The following AP2A2 variants were observed in gnomAD, a reference collection of about 807,000 sequenced individuals.
AP2A2 encodes AP-2 complex subunit alpha-2.
A neutral mutation model predicts 104.2 loss-of-function variants in AP2A2; 32 were observed. The ratio of observed to expected loss-of-function variants is 0.31; its 90% CI spans 0.23 to 0.41. The LOEUF (loss-of-function observed/expected upper bound fraction) is 0.41, where lower values mean the gene tolerates loss of function less well. Ranked by LOEUF, AP2A2 falls within the 10% of genes least tolerant of loss-of-function variation. AP2A2 has a pLI of 1.00. For missense variants in AP2A2, 912 were observed against 1,261.0 expected (o/e 0.72, Z 4.19); for synonymous variants, 539 against 533.3 (o/e 1.01, Z -0.15).
At chr11:964,533 G>A (rs1693397329) in intron 2 of AP2A2, among the ~76,000 whole-genome samples, 1 of 152,166 alleles carries the variant, frequency 6.6e-6, no homozygotes, top group African/African-American at 2.4e-5. Flanking sequence ...ATTAATTTGG[G>A]GCCCTGTTCC....
In AP2A2 at chr11:1,011,076, G is replaced by A. The variant is rs750805951; in HGVS notation, c.*451G>A. On this transcript the variant is annotated 3_prime_UTR_variant, in exon 22 of 22. Coordinates refer to ENST00000448903, the MANE Select transcript of AP2A2 (RefSeq NM_012305.4). ...TCCTGGTGGCTGCACACCTGGCGTC[G>A]TCCTGGGCCCTTGGGAGGAGCACAG... The A allele has an allele frequency of 2.9e-5, 18 of 613,274 alleles. No homozygotes were observed. Among genetic ancestry groups the A allele is most frequent in the African/African-American group, 7.2e-5 (4 of 55,822 alleles). The allele number at this position is 613,274 out of a possible 1,614,324, so 38.0% of individuals were successfully genotyped here.
intron 14 of AP2A2, among the ~76,000 whole-genome samples, chr11:994,870 TG>T (rs960793642): frequency 3.6e-5 from 1 of 27,726 alleles, no homozygotes; most frequent in African/African-American, 1.5e-4. Context: ...CTGCACACCC[TG>T]CTGGCCTGTC....
At chr11:938,553 C>T (rs1853541426) in intron 1 of AP2A2, among the ~76,000 whole-genome samples, 1 of 151,410 alleles carries the variant, frequency 6.6e-6, no homozygotes, top group East Asian at 1.9e-4. Context: ...TGGCTCACTG[C>T]AAGCTCTGCC....
Position 961,915 on chromosome 11 carries a change from CAG to C in AP2A2, c.136+2413_136+2414del, listed in dbSNP as rs1211166355. On this transcript the variant is annotated intron_variant, in intron 2 of 21. Coordinates refer to ENST00000448903, the MANE Select transcript of AP2A2 (RefSeq NM_012305.4). ...GAAGCAGATGGAGATGTGGGTCTGACAGAGTCGCCGCCACCAGTGAAAAGTAA... is the reference window on the plus strand; with the variant it reads ...GAAGCAGATGGAGATGTGGGTCTGACAGTCGCCGCCACCAGTGAAAAGTAA... Among the ~76,000 whole-genome samples the C allele has an allele frequency of 4.9e-5, 6 of 123,642 alleles. No individual in the cohort carries two copies. In the South Asian group the frequency reaches 1.3e-3, roughly 27 times the overall value. 81.1% of individuals were successfully genotyped at this position (123,642 alleles called of 152,430 possible).
chr11:987,416 G>T (rs1257429893), intron 9 of AP2A2, among the ~76,000 whole-genome samples: 1 of 152,134 alleles, frequency 6.6e-6, no homozygotes, highest in Non-Finnish European at 1.5e-5. Flanking sequence ...TTGGGAGGCC[G>T]AGGCGGGTGG....
At chr11:950,933 A>C (rs888486842) in intron 1 of AP2A2, among the ~76,000 whole-genome samples, 1 of 151,820 alleles carries the variant, frequency 6.6e-6, no homozygotes, top group Non-Finnish European at 1.5e-5. Flanking sequence ...TCTGTACTAA[A>C]ATACAAAAAT....
At position 1,009,378 on chromosome 11, in the gene AP2A2, C is replaced by T; in HGVS notation, c.2588C>T (p.Thr863Ile). ...TTCAAAGCAAAGCACCCAATGGACACAGAAGTCACCAAAGCCAAGGTAACA... is the reference window on the plus strand; with the variant it reads ...TTCAAAGCAAAGCACCCAATGGACATAGAAGTCACCAAAGCCAAGGTAACA... ...NIFKAKHPMD[T>I]EVTKAKIIGF... Residue 863 changes from threonine to isoleucine, a missense_variant, in exon 20 of 22, where the codon ACA becomes ATA. Thr to Ile is a moderately conservative substitution (Grantham distance 89). Around this residue, in one of 7 missense-constraint regions of AP2A2, gnomAD observed 239 missense variants for 329.8 expected, o/e 0.72. Transcript: ENST00000448903. The T allele has an allele frequency of 6.2e-7, 1 of 1,613,508 alleles. No homozygotes were observed.
intron 1 of AP2A2, among the ~76,000 whole-genome samples, chr11:958,853 G>A (rs906363750): frequency 6.6e-6 from 1 of 152,156 alleles, no homozygotes; most frequent in Admixed American, 6.6e-5. Flanking sequence ...CAGTCCATAC[G>A]GCAGGGGAGG....
At chr11:984,888 G>A in intron 7 of AP2A2, 135 bp downstream of exon 7, 1 of 782,022 alleles carries the variant, frequency 1.3e-6, no homozygotes, top group South Asian at 1.6e-5. Context: ...CTTTCTGCCA[G>A]TGCTGCTGTA....
Position 1,009,127 on chromosome 11 carries a change from T to C in AP2A2, c.2448T>C (p.Ser816=), listed in dbSNP as rs1856311532. 1 of 1,613,310 alleles carries C rather than the reference T, an allele frequency of 6.2e-7. No individual in the cohort carries two copies. The highest frequency in any genetic ancestry group is 8.5e-7 in the Non-Finnish European group (1 of 1,179,854). The change falls in exon 19 of 22, where the codon TCT becomes TCC. Residue 816 remains serine (S), a synonymous_variant. Transcript: ENST00000448903. ...FRYGGTFQNV[S]VQLPITLNKF... ...ATGGGGGCACCTTCCAGAACGTGTC[T>C]GTGCAGCTGCCCATCACTCTCAACA...
intron 1 of AP2A2, among the ~76,000 whole-genome samples, chr11:958,913 T>G (rs1589966368): frequency 6.6e-6 from 1 of 152,300 alleles, no homozygotes; most frequent in South Asian, 2.1e-4. Flanking sequence ...AGGATGCGTG[T>G]TGCAGAGGCT....
rs758318533 is a variant in AP2A2, at chr11:1,011,198, C to T, written c.*573C>T. 1 of 521,818 alleles carries T rather than the reference C, an allele frequency of 1.9e-6. No individual in the cohort carries two copies. The highest frequency in any genetic ancestry group is 3.8e-6 in the Non-Finnish European group (1 of 261,902). 32.3% of individuals were successfully genotyped at this position (521,818 alleles called of 1,614,324 possible). A position where few individuals can be genotyped will look rare whatever the true frequency, so the allele number is the denominator to read the frequency against. The stretch of plus-strand genomic sequence containing the variant: ...CATTTGTATTTGTAATGACTTCTGG[C>T]AAAAGCACGTGTCCTGGCCGGATGT... On this transcript the variant is annotated 3_prime_UTR_variant, in exon 22 of 22. Coordinates refer to ENST00000448903, the MANE Select transcript of AP2A2 (RefSeq NM_012305.4).
At chr11:937,270 T>G (rs1853489404) in intron 1 of AP2A2, among the ~76,000 whole-genome samples, 1 of 152,046 alleles carries the variant, frequency 6.6e-6, no homozygotes, top group South Asian at 2.1e-4. Flanking sequence ...TCCGCCCGCT[T>G]CGGCCTCCCA....
chr11:967,074 C>T (rs1053962842), intron 2 of AP2A2, among the ~76,000 whole-genome samples: 4 of 151,766 alleles, frequency 2.6e-5, no homozygotes, highest in Non-Finnish European at 5.9e-5. Flanking sequence ...GGCAGAGGCA[C>T]GAGAATCGCT....
intron 17 of AP2A2, 119 bp downstream of exon 17, chr11:1,006,736 C>G (rs760141938): frequency 5.2e-6 from 4 of 768,488 alleles, no homozygotes; most frequent in Non-Finnish European, 6.5e-6. Flanking sequence ...ATTCCAGATG[C>G]TATATGAAAA....
intron 18 of AP2A2, 183 bp downstream of exon 18, chr11:1,008,318 G>C: frequency 1.1e-6 from 1 of 933,472 alleles, no homozygotes; most frequent in South Asian, 2.0e-5. Flanking sequence ...GAAACAAGGG[G>C]AGGCGGAGCC....
At position 925,996 on chromosome 11, in the gene AP2A2, C is replaced by A; in HGVS notation, c.-26C>A. ...GCGCTCCTCCGCCCGGGTCCGCCAG[C>A]CGAGGCCGCTCCCGAGCGTCGGAAG... On this transcript the variant is annotated 5_prime_UTR_variant, in exon 1 of 22. Coordinates refer to ENST00000448903, the MANE Select transcript of AP2A2 (RefSeq NM_012305.4). The A allele has an allele frequency of 7.2e-7, 1 of 1,395,758 alleles. No homozygotes were observed. Among genetic ancestry groups the A allele is most frequent in the Admixed American group, 2.8e-5 (1 of 35,410 alleles). 86.5% of individuals were successfully genotyped at this position (1,395,758 alleles called of 1,614,324 possible).
intron 1 of AP2A2, among the ~76,000 whole-genome samples, chr11:955,904 C>T (rs1813327982): frequency 6.6e-6 from 1 of 152,220 alleles, no homozygotes; most frequent in Non-Finnish European, 1.5e-5. Flanking sequence ...GATCTGTGCA[C>T]ACCAGGCCTG....
At chr11:1,004,876 C>CT (rs1564822451) in intron 16 of AP2A2, among the ~76,000 whole-genome samples, 1 of 152,174 alleles carries the variant, frequency 6.6e-6, no homozygotes, top group African/African-American at 2.4e-5. Context: ...ACGTTGGAGC[C>CT]TTGTACGCCG....
Sources: allele counts gnomAD v4.1 joint callset (sites outside exome capture counted in the v4.1 genomes callset), GRCh38; gene constraint gnomAD v4.1.1; regional missense constraint gnomAD v4.1.1; transcripts MANE v1.5; gene names NCBI Gene and HGNC (gene_info 2026-07-23, HGNC 2026-07-21).